ZNF208: variants seen among roughly 807,000 people sequenced by gnomAD.
The protein encoded by ZNF208 is zinc finger protein 95.
A neutral mutation model predicts 12.1 loss-of-function variants in ZNF208; 10 were observed. The ratio of observed to expected loss-of-function variants is 0.83; its 90% CI spans 0.51 to 1.40. The LOEUF is 1.40. ZNF208 is among the 40% of genes most tolerant of loss of function. ZNF208 has a pLI of 0.00. For synonymous variants in ZNF208, 497 were observed against 488.4 expected (o/e 1.02, Z -0.23); for missense variants, 1,652 against 1,485.0 (o/e 1.11, Z -1.85).
intron 1 of ZNF208, among the ~76,000 whole-genome samples, chr19:22,001,369 A>G (rs1970943138): frequency 6.6e-6 from 1 of 152,196 alleles, no homozygotes; most frequent in African/African-American, 2.4e-5. Flanking sequence ...TAAATAGCCT[A>G]CCAACTAAAT....
chr19:22,007,807 C>T (rs1971072778), intron 1 of ZNF208, among the ~76,000 whole-genome samples: 1 of 151,282 alleles, frequency 6.6e-6, no homozygotes, highest in Non-Finnish European at 1.5e-5. Context: ...TGAGCTCAAA[C>T]AGCACGGTAA....
chr19:21,972,557 A>G lies in ZNF208; in HGVS notation c.2477T>C (p.Ile826Thr). Residue 826 changes from isoleucine (I) to threonine (T), a missense_variant, in exon 4 of 4, where the codon ATT becomes ACT. This residue lies in a region of ZNF208 where 1,239 missense variants were observed against 1,086.2 expected (regional missense o/e 1.14). Transcript: ENST00000397126. ...TTTGTAGGGCTTTTCTCCAGCATGA[A>G]TTGCCTTATGTGTAGTAAGGGTTGA... The part of the protein sequence containing the change: ...KVSTLTTHKA[I>T]HAGEKPYKCK... 3 of 1,613,100 alleles carry G rather than the reference A, an allele frequency of 1.9e-6. No individual in the cohort carries two copies. The highest frequency in any genetic ancestry group is 2.7e-5 in the African/African-American group (2 of 74,824).
chr19:21,973,051 T>C lies in ZNF208; in HGVS notation c.1983A>G (p.Gly661=). Residue 661 remains glycine, a synonymous_variant, in exon 4 of 4, where the codon GGA becomes GGG. Transcript: ENST00000397126. ...ATTCTTTACATTTGTAGGGCTTCTC[T>C]CCAGCATGAATTGCCTTATGTGTAG... is the stretch of plus-strand genomic sequence containing the variant. ...TLTTHKAIHA[G]EKPYKCKECG... is the part of the protein sequence containing the mutation. The C allele has an allele frequency of 6.2e-7, 1 of 1,613,622 alleles. No homozygotes were observed. Among genetic ancestry groups the C allele is most frequent in the South Asian group, 1.1e-5 (1 of 91,036 alleles).
intron 1 of ZNF208, chr19:21,997,675 G>GGA (rs1269599062): frequency 1.2e-5 from 2 of 168,296 alleles, no homozygotes; most frequent in African/African-American, 4.8e-5. Flanking sequence ...AGCAGCAGGA[G>GGA]GAGAGCCTGC....
intron 4 of ZNF208, among the ~76,000 whole-genome samples, chr19:21,953,134 G>A (rs1352529745): frequency 6.6e-6 from 1 of 152,064 alleles, no homozygotes; most frequent in Non-Finnish European, 1.5e-5. Flanking sequence ...AAGAAGAAAT[G>A]AACAAAGCCT....
At chr19:21,974,958 T>A (rs113707503) in intron 3 of ZNF208, among the ~76,000 whole-genome samples, 151 bp from the exon 4 acceptor site, 1 of 152,114 alleles carries the variant, frequency 6.6e-6, no homozygotes, top group African/African-American at 2.4e-5. Context: ...CATATAAATC[T>A]AATAAAAACA....
chr19:21,993,736 C>T (rs1248875900), intron 1 of ZNF208, among the ~76,000 whole-genome samples: 1 of 148,900 alleles, frequency 6.7e-6, no homozygotes, highest in Non-Finnish European at 1.5e-5. Context: ...TTACACGCAG[C>T]ACTCTTGTCA....
intron 1 of ZNF208, among the ~76,000 whole-genome samples, chr19:21,990,008 G>A (rs1172277826): frequency 1.3e-4 from 20 of 152,134 alleles, no homozygotes; most frequent in South Asian, 4.2e-4. Context: ...AGTAGTTTGC[G>A]AAAATTTTCT....
intron 4 of ZNF208, chr19:21,940,635 G>C (rs1002019718): frequency 1.3e-5 from 2 of 152,422 alleles, no homozygotes; most frequent in African/African-American, 4.8e-5. Flanking sequence ...GGCTGGCTGG[G>C]GGATCCTGGG....
intron 4 of ZNF208, among the ~76,000 whole-genome samples, chr19:21,947,202 G>C (rs1039323680): frequency 2.0e-4 from 30 of 152,208 alleles, no homozygotes; most frequent in African/African-American, 6.5e-4. Context: ...CAGTAATACA[G>C]TAATAAACAT....
intron 4 of ZNF208, among the ~76,000 whole-genome samples, chr19:21,953,633 C>T (rs574042278): frequency 2.6e-5 from 4 of 152,302 alleles, no homozygotes; most frequent in African/African-American, 9.6e-5. Flanking sequence ...CACCACCAGG[C>T]CTGCCTTACA....
chr19:22,006,367 AT>A (rs915632887), intron 1 of ZNF208, among the ~76,000 whole-genome samples: 14 of 149,558 alleles, frequency 9.4e-5, no homozygotes, highest in African/African-American at 2.2e-4. Context: ...TTGGAATTCA[AT>A]TTTTTTTTTA....
At chr19:21,955,252 C>G (rs1219605647) in intron 4 of ZNF208, among the ~76,000 whole-genome samples, 1 of 152,180 alleles carries the variant, frequency 6.6e-6, no homozygotes, top group Admixed American at 6.6e-5. Flanking sequence ...TCTCTGGCTG[C>G]CCTCAACATT....
In ZNF208 at chr19:21,971,191, C is replaced by A. The variant is rs747779872; in HGVS notation, c.3843G>T (p.Ter1281TyrextTer158). ...HKKIHTGEKL[*>Y] ...AGGCTTTGCCACATTCTTCACATTTCTAGAGTTTCTCTCCAGTATGAATTT... is the reference window on the plus strand; with the variant it reads ...AGGCTTTGCCACATTCTTCACATTTATAGAGTTTCTCTCCAGTATGAATTT... The change falls in exon 4 of 4, where the codon TAG (stop) becomes TAT (tyrosine). Residue 1281 changes from the stop codon to tyrosine (Y), a stop_lost. Coordinates refer to ENST00000397126, the MANE Select transcript of ZNF208 (RefSeq NM_007153.3). 6.6e-7 allele frequency: 1 copy of A among 1,526,178 alleles called. No homozygotes were observed. The allele number at this position is 1,526,178 out of a possible 1,614,324, so 94.5% of individuals were successfully genotyped here. A position where few individuals can be genotyped will look rare whatever the true frequency, so the allele number is the denominator to read the frequency against.
At chr19:21,986,784 G>C in intron 3 of ZNF208, 1 of 359,042 alleles carries the variant, frequency 2.8e-6, no homozygotes, top group Non-Finnish European at 5.0e-6. Context: ...AGGATGAAAT[G>C]TACAGAAAAA....
chr19:21,980,754 C>T (rs7254794), intron 3 of ZNF208, among the ~76,000 whole-genome samples: 1 of 151,698 alleles, frequency 6.6e-6, no homozygotes, highest in Non-Finnish European at 1.5e-5. Flanking sequence ...AAAAATCCTT[C>T]AAAAAAATCA....
chr19:21,976,877 A>G (rs1022075230), intron 3 of ZNF208, among the ~76,000 whole-genome samples: 6 of 152,236 alleles, frequency 3.9e-5, no homozygotes, highest in African/African-American at 1.4e-4. Flanking sequence ...AAAATTTTAA[A>G]TATCAAGATC....
At chr19:21,959,267 G>A (rs1347054876) in intron 4 of ZNF208, among the ~76,000 whole-genome samples, 1 of 152,080 alleles carries the variant, frequency 6.6e-6, no homozygotes, top group East Asian at 1.9e-4. Context: ...ATCATTCTGG[G>A]TATGTTTGAC....
intron 4 of ZNF208, among the ~76,000 whole-genome samples, chr19:21,952,830 G>A (rs1193112978): frequency 6.6e-6 from 1 of 152,194 alleles, no homozygotes; most frequent in Admixed American, 6.5e-5. Flanking sequence ...TTGCTGAGTT[G>A]ACAGAAGTAG....
Sources: allele counts gnomAD v4.1 joint callset (sites outside exome capture counted in the v4.1 genomes callset), GRCh38; gene constraint gnomAD v4.1.1; regional missense constraint gnomAD v4.1.1; transcripts MANE v1.5; gene names NCBI Gene and HGNC (gene_info 2026-07-23, HGNC 2026-07-21).